Variants in GTF2IRD1 observed in about 807,000 individuals in gnomAD.
The protein encoded by GTF2IRD1 is GTF2I repeat domain containing 1.
GTF2IRD1 carries 26 observed loss-of-function variants against 113.2 expected under a neutral mutation model. The ratio of observed to expected loss-of-function variants is 0.23; its 90% CI spans 0.17 to 0.32. The LOEUF (loss-of-function observed/expected upper bound fraction) is 0.32. Among genes scored for constraint, GTF2IRD1 ranks in the 10% least tolerant of loss-of-function variants. GTF2IRD1 has a pLI of 1.00. For synonymous variants in GTF2IRD1, 484 were observed against 529.1 expected (o/e 0.91, Z 1.17); for missense variants, 864 against 1,280.8 (o/e 0.67, Z 4.97).
At chr7:74,472,216 A>T (rs1222255928) in intron 1 of GTF2IRD1, among the ~76,000 whole-genome samples, 1 of 151,812 alleles carries the variant, frequency 6.6e-6, no homozygotes, top group Non-Finnish European at 1.5e-5. Context: ...GGCCAACCTG[A>T]GTTGTGCATA....
At chr7:74,562,093 TCAC>T (rs1218393616) in intron 22 of GTF2IRD1, among the ~76,000 whole-genome samples, 1 of 152,202 alleles carries the variant, frequency 6.6e-6, no homozygotes, top group Non-Finnish European at 1.5e-5. Flanking sequence ...CTCTGAGGGT[TCAC>T]CAGAGGTCAC....
intron 1 of GTF2IRD1, among the ~76,000 whole-genome samples, chr7:74,503,245 G>C (rs1211533539): frequency 6.6e-6 from 1 of 152,050 alleles, no homozygotes; most frequent in Non-Finnish European, 1.5e-5. Flanking sequence ...ACAGGAGCCC[G>C]GGCACTGAAC....
chr7:74,508,129 C>A lies in GTF2IRD1; in HGVS notation c.49C>A (p.Pro17Thr), dbSNP rs1222855750. ...RCDVPTNGCG[P>T]DRWNSAFTRK... is the part of the protein sequence containing the mutation. The stretch of plus-strand genomic sequence containing the variant: ...TGACGTCCCCACCAACGGCTGCGGA[C>A]CCGACCGCTGGAACTCCGCGTTCAC... Residue 17 changes from proline (P) to threonine (T), a missense_variant, in exon 2 of 27, where the codon CCC becomes ACC. Pro to Thr is a conservative substitution (Grantham distance 38). This residue lies in a region of GTF2IRD1 where 182 missense variants were observed against 266.6 expected (regional missense o/e 0.68). Transcript: ENST00000424337. The A allele has an allele frequency of 1.2e-6, 2 of 1,611,610 alleles. No homozygotes were observed. The highest frequency in any genetic ancestry group is 1.1e-5 in the South Asian group (1 of 91,084).
Position 74,601,100 on chromosome 7 carries a change from G to T in GTF2IRD1, c.2686G>T (p.Val896Phe), listed in dbSNP as rs782411034. The change falls in exon 26 of 27, where the codon GTC becomes TTC. Residue 896 changes from valine (V) to phenylalanine (F), a missense_variant. Transcript: ENST00000424337. Reference sequence around the variant, plus strand: ...AAAGCGGGTCTCGGAAGGAAATTCCGTCTCCTCTTCCTCCTCGTCTTCCTC... The same window carrying T: ...AAAGCGGGTCTCGGAAGGAAATTCCTTCTCCTCTTCCTCCTCGTCTTCCTC... The part of the protein sequence containing the change: ...KRKRVSEGNS[V>F]SSSSSSSSSS... 5 of 1,614,002 alleles carry T rather than the reference G, an allele frequency of 3.1e-6. No individual in the cohort carries two copies. The highest frequency in any genetic ancestry group is 4.2e-6 in the Non-Finnish European group (5 of 1,179,954).
chr7:74,496,307 TGGGG>T (rs1321000084), intron 1 of GTF2IRD1, among the ~76,000 whole-genome samples: 2 of 132,548 alleles, frequency 1.5e-5, no homozygotes, highest in South Asian at 2.5e-4. Context: ...TGCATGTGTG[TGGGG>T]GTGGGGGTGT....
At chr7:74,469,154 G>A (rs1554331744) in intron 1 of GTF2IRD1, among the ~76,000 whole-genome samples, 2 of 152,006 alleles carry the variant, frequency 1.3e-5, no homozygotes, top group African/African-American at 4.8e-5. Flanking sequence ...TTTGGAGGCT[G>A]GGATGGGTAC....
At chr7:74,580,819 A>G (rs1801371936) in intron 22 of GTF2IRD1, among the ~76,000 whole-genome samples, 1 of 152,198 alleles carries the variant, frequency 6.6e-6, no homozygotes, top group African/African-American at 2.4e-5. Flanking sequence ...CTTTCTGCAC[A>G]GCACTGGGGG....
intron 1 of GTF2IRD1, among the ~76,000 whole-genome samples, chr7:74,501,190 T>C (rs1554339385): frequency 6.6e-6 from 1 of 152,050 alleles, no homozygotes; most frequent in Non-Finnish European, 1.5e-5. Flanking sequence ...TGGTCTCGCC[T>C]GTTCACTGCC....
intron 1 of GTF2IRD1, among the ~76,000 whole-genome samples, chr7:74,482,440 C>G (rs1466458129): frequency 6.6e-6 from 1 of 151,894 alleles, no homozygotes. Flanking sequence ...GTTGTCCAGG[C>G]TGGTCTCAAA....
chr7:74,484,493 C>A (rs1794911570), intron 1 of GTF2IRD1, among the ~76,000 whole-genome samples: 1 of 137,732 alleles, frequency 7.3e-6, no homozygotes, highest in Admixed American at 7.7e-5. Flanking sequence ...CTCACTCTTT[C>A]ACCCACCCAG....
intron 1 of GTF2IRD1, among the ~76,000 whole-genome samples, chr7:74,470,959 A>G (rs1554332170): frequency 6.6e-6 from 1 of 151,948 alleles, no homozygotes; most frequent in African/African-American, 2.4e-5. Context: ...GTGCCACCAC[A>G]CCTGGTTAAT....
intron 22 of GTF2IRD1, among the ~76,000 whole-genome samples, chr7:74,560,359 G>A (rs1286829361): frequency 1.3e-5 from 2 of 151,676 alleles, no homozygotes; most frequent in Admixed American, 1.3e-4. Context: ...GTCTGCATGG[G>A]GACCACAAGC....
At chr7:74,550,311 T>C (rs1488162845) in intron 17 of GTF2IRD1, among the ~76,000 whole-genome samples, 2 of 152,148 alleles carry the variant, frequency 1.3e-5, no homozygotes, top group Non-Finnish European at 2.9e-5. Context: ...AGAATATGTG[T>C]AATTATAGTA....
intron 26 of GTF2IRD1, chr7:74,601,415 G>T (rs758501535): frequency 3.8e-5 from 56 of 1,478,866 alleles, no homozygotes; most frequent in Non-Finnish European, 5.0e-5. Flanking sequence ...ATCCTCGCTG[G>T]GCAGATGGGC....
rs587757707 is a variant in GTF2IRD1 at position 74,519,709 on chromosome 7, C to T, written c.906C>T (p.Ser302=). 2.2e-5 allele frequency: 34 copies of T among 1,571,552 alleles called. No individual in the cohort carries two copies. The highest frequency in any genetic ancestry group is 8.1e-5 in the African/African-American group (6 of 73,794). ...EPKATGAQDF[S]DCCGQKPTGP... ...AGGCCACCGGTGCCCAAGACTTCTCCGACTGTTGTGGTAACATTGCTGCTG... is the reference window on the plus strand; with the variant it reads ...AGGCCACCGGTGCCCAAGACTTCTCTGACTGTTGTGGTAACATTGCTGCTG... The change falls in exon 6 of 27, where the codon TCC becomes TCT. Residue 302 remains serine, a synonymous_variant. Coordinates refer to ENST00000424337, the MANE Select transcript of GTF2IRD1 (RefSeq NM_005685.4).
Position 74,528,742 on chromosome 7 carries a change from GATGGATGGATGGATGA to G in GTF2IRD1, c.1091-979_1091-964del, listed in dbSNP as rs1397945601. On this transcript the variant is annotated intron_variant, in intron 8 of 26. Transcript: ENST00000424337. Reference sequence around the variant, plus strand: ...GGATGGATGGATGGATGGATGGATGGATGGATGGATGGATGAATGGATGGATGGGCAGATGGATATA... The same window carrying G: ...GGATGGATGGATGGATGGATGGATGGATGGATGGATGGGCAGATGGATATA... Among the ~76,000 whole-genome samples the G allele has an allele frequency of 1.1e-3, 148 of 140,856 alleles. 2 individuals are homozygous for G. The highest frequency in any genetic ancestry group is 3.4e-3 in the African/African-American group (132 of 38,352). 92.4% of individuals were successfully genotyped at this position (140,856 alleles called of 152,430 possible).
intron 25 of GTF2IRD1, among the ~76,000 whole-genome samples, chr7:74,600,074 CA>C (rs1802656287): frequency 6.6e-6 from 1 of 152,168 alleles, no homozygotes; most frequent in Non-Finnish European, 1.5e-5. Context: ...AGACAATGTG[CA>C]AAGCATTTAG....
intron 1 of GTF2IRD1, among the ~76,000 whole-genome samples, chr7:74,500,634 C>T (rs1795982615): frequency 6.6e-6 from 1 of 152,114 alleles, no homozygotes; most frequent in Admixed American, 6.6e-5. Flanking sequence ...TCATTCTTTG[C>T]ATCACGTGTG....
At chr7:74,472,603 T>A (rs1056722484) in intron 1 of GTF2IRD1, among the ~76,000 whole-genome samples, 1 of 151,932 alleles carries the variant, frequency 6.6e-6, no homozygotes, top group African/African-American at 2.4e-5. Context: ...AAAAAAAAAT[T>A]TAGCCAGGCA....
Sources: gnomAD v4.1 joint callset for allele counts (sites outside exome capture counted in the v4.1 genomes callset) on GRCh38, gnomAD v4.1.1 for gene constraint, gnomAD v4.1.1 regional missense constraint, MANE v1.5 for transcripts, NCBI Gene and HGNC (gene_info 2026-07-23, HGNC 2026-07-21) for gene names.